The following CDH12 variants were observed in gnomAD, a reference collection of about 807,000 sequenced individuals.
CDH12 encodes the protein cadherin-12.
CDH12 carries 41 observed loss-of-function variants against 74.1 expected under a neutral mutation model. The ratio of observed to expected loss-of-function variants is 0.55; its 90% CI spans 0.43 to 0.72. The LOEUF (loss-of-function observed/expected upper bound fraction) is 0.72. Among genes scored for constraint, CDH12 ranks in the 30% least tolerant of loss-of-function variants. CDH12 has a pLI of 0.00. For missense variants in CDH12, 945 were observed against 977.2 expected, an observed-to-expected ratio of 0.97 and a Z score of 0.44; for synonymous variants, 399 against 355.0, an observed-to-expected ratio of 1.12 and a Z score of -1.39.
At chr5:22,650,495 T>A (rs963698463) in intron 1 of CDH12, among the ~76,000 whole-genome samples, 1 of 152,052 alleles carries the variant, frequency 6.6e-6, no homozygotes, top group Non-Finnish European at 1.5e-5. Context: ...AATTCTTTAC[T>A]CCCTTAGCAA....
intron 5 of CDH12, among the ~76,000 whole-genome samples, chr5:22,004,694 G>A (rs184325383): frequency 6.6e-6 from 1 of 152,278 alleles, no homozygotes; most frequent in East Asian, 1.9e-4. Context: ...GTGCAGGTTT[G>A]TTACATGGAT....
At chr5:22,243,497 G>C (rs1385415815) in intron 3 of CDH12, among the ~76,000 whole-genome samples, 1 of 151,846 alleles carries the variant, frequency 6.6e-6, no homozygotes, top group Non-Finnish European at 1.5e-5. Context: ...AAGGTAGAGA[G>C]AGAAAAAAGA....
At chr5:22,527,981 T>G (rs1017612783) in intron 1 of CDH12, among the ~76,000 whole-genome samples, 42 of 152,256 alleles carry the variant, frequency 2.8e-4, no homozygotes, top group Middle Eastern at 3.4e-3. Flanking sequence ...ACTCTTAATA[T>G]CCATTTCCAC....
chr5:22,415,651 G>A (rs998740002), intron 2 of CDH12, among the ~76,000 whole-genome samples: 1 of 152,186 alleles, frequency 6.6e-6, no homozygotes, highest in African/African-American at 2.4e-5. Flanking sequence ...CTGAGAGGCA[G>A]CGGGCCCCAG....
chr5:21,974,199 T>C (rs1324954723), intron 6 of CDH12, among the ~76,000 whole-genome samples: 1 of 151,964 alleles, frequency 6.6e-6, no homozygotes, highest in African/African-American at 2.4e-5. Flanking sequence ...TTAGAAAATA[T>C]AAGCAATGGC....
chr5:22,753,048 C>T (rs1044504791), intron 1 of CDH12, among the ~76,000 whole-genome samples: 5 of 151,998 alleles, frequency 3.3e-5, no homozygotes, highest in Non-Finnish European at 5.9e-5. Context: ...CAAGAAATAG[C>T]TCTTTGAAGA....
In CDH12 at chr5:22,422,113, C is replaced by T. The variant is rs150710940; in HGVS notation, c.-427-16762G>A. On this transcript the variant is annotated intron_variant, in intron 2 of 14. Coordinates refer to ENST00000382254, the MANE Select transcript of CDH12 (RefSeq NM_004061.5). ...GCCATGGCCAGAGCTTCTAATACTA[C>T]GGTGAATAGGAGTGGTGAGAGAGGG... is the stretch of plus-strand genomic sequence containing the variant. Among the ~76,000 whole-genome samples the T allele has an allele frequency of 3.2e-4, 49 of 152,194 alleles. No individual in the cohort carries two copies. The East Asian group carries it at 3.7e-3, about 11-fold the overall frequency.
chr5:22,556,277 TA>T (rs2126741460), intron 1 of CDH12, among the ~76,000 whole-genome samples: 1 of 152,152 alleles, frequency 6.6e-6, no homozygotes, highest in East Asian at 1.9e-4. Flanking sequence ...ATCCATGAAG[TA>T]AGGCTATGGG....
intron 5 of CDH12, among the ~76,000 whole-genome samples, chr5:22,042,500 G>T (rs1254526990): frequency 6.6e-6 from 1 of 152,076 alleles, no homozygotes; most frequent in Non-Finnish European, 1.5e-5. Context: ...GGTCATACGA[G>T]ACTACTATGA....
chr5:21,758,304 A>G (rs148661670), intron 13 of CDH12, among the ~76,000 whole-genome samples: 243 of 152,234 alleles, frequency 1.6e-3, no homozygotes, highest in African/African-American at 5.4e-3. Flanking sequence ...CATTTCTCAC[A>G]TTGCATATTT....
intron 10 of CDH12, among the ~76,000 whole-genome samples, chr5:21,795,799 T>G (rs1383313461): frequency 1.3e-5 from 2 of 152,014 alleles, no homozygotes; most frequent in Admixed American, 6.6e-5. Flanking sequence ...CTTACGTTTT[T>G]GCACACATGC....
At chr5:22,249,509 T>G (rs1753065900) in intron 3 of CDH12, among the ~76,000 whole-genome samples, 1 of 152,200 alleles carries the variant, frequency 6.6e-6, no homozygotes. Context: ...GAAGAACATT[T>G]TGACACATCA....
At chr5:22,340,894 G>C (rs1053486426) in intron 3 of CDH12, among the ~76,000 whole-genome samples, 4 of 152,088 alleles carry the variant, frequency 2.6e-5, no homozygotes, top group African/African-American at 4.8e-5. Flanking sequence ...CAAAGAAAAG[G>C]AATTAGTCAA....
chr5:22,434,909 A>T (rs1281908530), intron 2 of CDH12, among the ~76,000 whole-genome samples: 2 of 152,276 alleles, frequency 1.3e-5, no homozygotes, highest in East Asian at 3.9e-4. Flanking sequence ...TGACTGAAAC[A>T]GTGAAAGAGA....
Position 21,854,801 on chromosome 5 carries a change from A to G in CDH12, c.527-11T>C. 4 of 1,603,994 alleles carry G rather than the reference A, an allele frequency of 2.5e-6. No homozygotes were observed. In the South Asian group the frequency reaches 3.3e-5, roughly 13 times the overall value. ...GGAGTACATATGCACCTGGAAAATA[A>G]GACAATATCACTCTAGCATTTTTGT... is the stretch of plus-strand genomic sequence containing the variant. On this transcript the variant is annotated splice_polypyrimidine_tract_variant and intron_variant, in intron 6 of 14. Coordinates refer to ENST00000382254, the MANE Select transcript of CDH12 (RefSeq NM_004061.5).
chr5:22,254,179 T>C (rs1753228821), intron 3 of CDH12, among the ~76,000 whole-genome samples: 1 of 151,874 alleles, frequency 6.6e-6, no homozygotes. Flanking sequence ...CATGAATAAC[T>C]AGGTTTAGAT....
chr5:22,762,780 T>G (rs1746295173), intron 1 of CDH12, among the ~76,000 whole-genome samples: 1 of 152,054 alleles, frequency 6.6e-6, no homozygotes, highest in Non-Finnish European at 1.5e-5. Context: ...AGCAAACATG[T>G]CTTGTATTAG....
At chr5:22,046,335 G>A (rs1370259479) in intron 5 of CDH12, among the ~76,000 whole-genome samples, 3 of 151,950 alleles carry the variant, frequency 2.0e-5, no homozygotes, top group Non-Finnish European at 2.9e-5. Flanking sequence ...AGTAGAAAGA[G>A]GCCTGAATTT....
At position 22,271,649 on chromosome 5, in the gene CDH12, G is replaced by A. The variant is rs575230420; in HGVS notation, c.-332-59006C>T. ...TCTTAAATAATAAGACTTTGAAGTC[G>A]AGAATACTCTTTGGTCTTTGGGCTA... On this transcript the variant is annotated intron_variant, in intron 3 of 14. Coordinates refer to ENST00000382254, the MANE Select transcript of CDH12 (RefSeq NM_004061.5). Among the ~76,000 whole-genome samples, 13 of 152,260 alleles carry A rather than the reference G, an allele frequency of 8.5e-5. No homozygotes were observed. The East Asian group carries it at 2.1e-3, about 25-fold the overall frequency.
Sources: gnomAD v4.1 joint callset for allele counts (sites outside exome capture counted in the v4.1 genomes callset) on GRCh38, gnomAD v4.1.1 for gene constraint, MANE v1.5 for transcripts, NCBI Gene and HGNC (gene_info 2026-07-23, HGNC 2026-07-21) for gene names.